The following WDR27 variants were observed in gnomAD, a reference collection of about 807,000 sequenced individuals.
WDR27 encodes WD repeat domain 27, also known as WD repeat-containing protein 27.
A neutral mutation model predicts 114.4 loss-of-function variants in WDR27; 100 were observed. The ratio of observed to expected loss-of-function variants is 0.87; its 90% confidence interval spans 0.74 to 1.03. WDR27 has a LOEUF of 1.03. Ranked by LOEUF, WDR27 falls within the 50% of genes least tolerant of loss-of-function variation. The pLI, the probability that WDR27 is intolerant of heterozygous loss-of-function variation, is 0.00. For synonymous variants in WDR27, 449 were observed against 423.1 expected (o/e 1.06, Z -0.75); for missense variants, 1,129 against 1,092.9 (o/e 1.03, Z -0.47).
intron 15 of WDR27, among the ~76,000 whole-genome samples, chr6:169,648,911 A>G (rs1307104102): frequency 6.6e-6 from 1 of 152,268 alleles, no homozygotes; most frequent in African/African-American, 2.4e-5. Flanking sequence ...CACCTGCATG[A>G]CAGGGAGGAG....
At chr6:169,524,242 T>C (rs546477936) in intron 25 of WDR27, among the ~76,000 whole-genome samples, 1 of 152,224 alleles carries the variant, frequency 6.6e-6, no homozygotes. Flanking sequence ...GTGAAAGATC[T>C]AATAAGGAAA....
intron 25 of WDR27, among the ~76,000 whole-genome samples, chr6:169,491,651 A>G (rs1789776313): frequency 2.6e-5 from 4 of 152,174 alleles, no homozygotes; most frequent in African/African-American, 7.2e-5. Flanking sequence ...AAGGGCAGGG[A>G]GCTCACATTC....
intron 25 of WDR27, among the ~76,000 whole-genome samples, chr6:169,465,258 C>CAAAAAAAAAAAAAAAA (rs56688798): frequency 8.9e-5 from 9 of 101,158 alleles, no homozygotes; most frequent in Admixed American, 2.1e-4. Context: ...AACTCCATCT[C>CAAAAAAAAAAAAAAAA]AAAAAAAAAA....
intron 8 of WDR27, 56 bp downstream of exon 8, chr6:169,664,110 C>G: frequency 6.8e-7 from 1 of 1,477,220 alleles, no homozygotes; most frequent in South Asian, 1.4e-5. Flanking sequence ...TGACATGGCG[C>G]CTGGTGAAAG....
chr6:169,482,100 G>C (rs1463894435), intron 25 of WDR27, among the ~76,000 whole-genome samples: 4 of 152,224 alleles, frequency 2.6e-5, no homozygotes, highest in Non-Finnish European at 5.9e-5. Context: ...CCTCCAGCTT[G>C]ACCCATGTCC....
At chr6:169,661,430 C>A (rs1347567924) in intron 9 of WDR27, among the ~76,000 whole-genome samples, 2 of 152,172 alleles carry the variant, frequency 1.3e-5, no homozygotes, top group Non-Finnish European at 2.9e-5. Context: ...GGAGGCTGGA[C>A]ATGGACTTGG....
intron 1 of WDR27, among the ~76,000 whole-genome samples, chr6:169,691,632 T>A (rs749779024): frequency 1.3e-5 from 2 of 152,242 alleles, no homozygotes; most frequent in African/African-American, 4.8e-5. Context: ...TTGAGTTCCA[T>A]CTTTTTCTTC....
intron 25 of WDR27, chr6:169,558,185 C>T (rs1280267142): frequency 3.9e-5 from 6 of 152,002 alleles, no homozygotes; most frequent in African/African-American, 1.4e-4. Flanking sequence ...AAAAACTCCT[C>T]ACTGAAGTGA....
chr6:169,453,083 C>A (rs1410311083), downstream of WDR27, among the ~76,000 whole-genome samples: 2 of 152,234 alleles, frequency 1.3e-5, no homozygotes, highest in Non-Finnish European at 2.9e-5. Flanking sequence ...GTGAACAGTA[C>A]CCAGCACACT....
At chr6:169,546,846 G>A (rs896754524) in intron 25 of WDR27, among the ~76,000 whole-genome samples, 2 of 151,878 alleles carry the variant, frequency 1.3e-5, no homozygotes, top group African/African-American at 2.4e-5. Flanking sequence ...AACTACTGGC[G>A]AGATCTCACA....
rs183563209 is a variant in WDR27 at position 169,565,461 on chromosome 6, C to T, written c.2645+6958G>A. Among the ~76,000 whole-genome samples the T allele has an allele frequency of 4.4e-4, 67 of 152,274 alleles. 1 individual carries two copies. The East Asian group carries it at 0.012, about 27-fold the overall frequency. ...CAAAGGGACCCTGAAGTCTCATCCCCTAAAAACACCCCCACCAGGTATTGG... is the reference window on the plus strand; with the variant it reads ...CAAAGGGACCCTGAAGTCTCATCCCTTAAAAACACCCCCACCAGGTATTGG... On this transcript the variant is annotated intron_variant, in intron 25 of 25. Transcript: ENST00000448612.
rs1203508581 is a variant in WDR27, at chr6:169,659,116, C to G, written c.1289G>C (p.Ser430Thr). Residue 430 changes from serine to threonine, a missense_variant, in exon 12 of 26, where the codon AGC becomes ACC. By Grantham distance (58) the Ser-to-Thr change is moderately conservative. Transcript: ENST00000448612. The surrounding 1 kb of genome is among the most constrained non-coding windows in gnomAD (Gnocchi z 4.3). ...TGGCACCGAGAGGCTCTGCCCCATG[C>G]TGGGGCACTGCTGAGCCCTGACTAG... Reference protein sequence around the residue: ...AALVRAQQCPSMGQSLSVPAS... With the variant: ...AALVRAQQCPTMGQSLSVPAS... The G allele has an allele frequency of 6.3e-7, 1 of 1,595,578 alleles. No individual in the cohort carries two copies. Among genetic ancestry groups the G allele is most frequent in the African/African-American group, 1.4e-5 (1 of 73,716 alleles).
chr6:169,683,525 C>T (rs1191631426), intron 2 of WDR27, among the ~76,000 whole-genome samples: 1 of 148,718 alleles, frequency 6.7e-6, no homozygotes, highest in African/African-American at 2.5e-5. Context: ...TGAGCCCCTC[C>T]AAAAGAAAAA....
intron 25 of WDR27, among the ~76,000 whole-genome samples, chr6:169,486,373 T>C (rs112429973): frequency 0.013 from 1,986 of 152,326 alleles, 41 homozygotes; most frequent in African/African-American, 0.041. Context: ...GGTCCCACCC[T>C]AACTGCAGCA....
At chr6:169,467,894 C>T (rs546097486) in intron 25 of WDR27, among the ~76,000 whole-genome samples, 2 of 152,314 alleles carry the variant, frequency 1.3e-5, no homozygotes, top group Non-Finnish European at 2.9e-5. Context: ...CTCTGCTTTC[C>T]TTTTAAACGT....
At chr6:169,624,112 G>C (rs1449392226) in intron 21 of WDR27, among the ~76,000 whole-genome samples, 1 of 151,916 alleles carries the variant, frequency 6.6e-6, no homozygotes, top group Admixed American at 6.6e-5. Context: ...GGTGTGCCGT[G>C]TGTGGGGTCA....
At chr6:169,688,412 T>A (rs1410060886) in intron 2 of WDR27, among the ~76,000 whole-genome samples, 1 of 152,144 alleles carries the variant, frequency 6.6e-6, no homozygotes, top group Non-Finnish European at 1.5e-5. Context: ...TAGGGGTGGT[T>A]ACCTGAACAT....
intron 25 of WDR27, among the ~76,000 whole-genome samples, chr6:169,503,561 T>G (rs1237919419): frequency 6.6e-6 from 1 of 152,210 alleles, no homozygotes; most frequent in Non-Finnish European, 1.5e-5. Flanking sequence ...TGTCATCTAC[T>G]GGTTCATTAG....
chr6:169,493,464 G>C (rs1790025412), intron 25 of WDR27, among the ~76,000 whole-genome samples: 1 of 151,990 alleles, frequency 6.6e-6, no homozygotes, highest in African/African-American at 2.4e-5. Flanking sequence ...TCAATCAACT[G>C]TCTAACAGAA....
Sources: gnomAD v4.1 joint callset for allele counts (sites outside exome capture counted in the v4.1 genomes callset) on GRCh38, gnomAD v4.1.1 for gene constraint, Gnocchi (gnomAD v3.1) non-coding constraint, MANE v1.5 for transcripts, NCBI Gene and HGNC (gene_info 2026-07-23, HGNC 2026-07-21) for gene names.